AEBP2: variants seen among roughly 807,000 people sequenced by gnomAD.
The protein encoded by AEBP2 is AE binding protein 2, also known as zinc finger protein AEBP2.
Under a neutral mutation model 50.8 loss-of-function variants are expected in AEBP2, and 10 were observed. The ratio of observed to expected loss-of-function variants is 0.20; its 90% CI spans 0.12 to 0.33. AEBP2 has a LOEUF of 0.33. AEBP2 is among the 10% of genes least tolerant of loss of function. The probability of loss-of-function intolerance (pLI) is 1.00; values close to 1 mark genes in which losing one functional copy is unlikely to be tolerated. For missense variants in AEBP2, 570 were observed against 688.0 expected (o/e 0.83, Z 1.92); for synonymous variants, 296 against 261.3 (o/e 1.13, Z -1.28).
chr12:19,503,213 A>G (rs892310868), intron 5 of AEBP2, among the ~76,000 whole-genome samples: 18 of 152,084 alleles, frequency 1.2e-4, no homozygotes, highest in African/African-American at 4.1e-4. Flanking sequence ...GATTCTTCCA[A>G]TCTGTGAGCA....
intron 3 of AEBP2, among the ~76,000 whole-genome samples, chr12:19,484,250 ATTTTTTTTTT>A (rs59403434): frequency 1.9e-5 from 2 of 107,518 alleles, no homozygotes; most frequent in Admixed American, 1.0e-4. Flanking sequence ...CGCCCAGCCA[ATTTTTTTTTT>A]TTTTTTTTTT....
intron 1 of AEBP2, among the ~76,000 whole-genome samples, chr12:19,448,362 G>A (rs927795012): frequency 1.3e-5 from 2 of 152,144 alleles, no homozygotes; most frequent in East Asian, 3.9e-4. Flanking sequence ...GCGCATGCCT[G>A]TAATCCCAGC....
chr12:19,453,968 T>C (rs1279798339), intron 1 of AEBP2, among the ~76,000 whole-genome samples: 1 of 151,592 alleles, frequency 6.6e-6, no homozygotes, highest in Admixed American at 6.6e-5. Context: ...TGGCCCCCAG[T>C]TTATGTCTTT....
At chr12:19,447,713 G>C (rs1194822618) in intron 1 of AEBP2, among the ~76,000 whole-genome samples, 1 of 152,182 alleles carries the variant, frequency 6.6e-6, no homozygotes, top group East Asian at 1.9e-4. Context: ...CTCATGCAGA[G>C]ATGGTGCAGT....
At chr12:19,517,477 A>G (rs951046774) in intron 7 of AEBP2, among the ~76,000 whole-genome samples, 20 of 152,236 alleles carry the variant, frequency 1.3e-4, no homozygotes, top group Non-Finnish European at 1.9e-4. Flanking sequence ...TAGTGTAACA[A>G]TGATTTACAT....
rs370301903 is a variant in AEBP2, at chr12:19,485,682, C to CAG, written c.988-8102_988-8101dup. Among the ~76,000 whole-genome samples the CAG allele has an allele frequency of 3.2e-3, 389 of 123,304 alleles. 2 individuals carry two copies. Among genetic ancestry groups the CAG allele is most frequent in the East Asian group, 0.013 (58 of 4,342 alleles). 80.9% of individuals were successfully genotyped at this position (123,304 alleles called of 152,430 possible). A position where few individuals can be genotyped will look rare whatever the true frequency, so the allele number is the denominator to read the frequency against. ...TGAGACTGCACTCCAGCCTGGGTGA[C>CAG]AGAGAGAGAGAGAGAGACCCTGTCT... On this transcript the variant is annotated intron_variant, in intron 3 of 7. Transcript: ENST00000266508.
intron 1 of AEBP2, among the ~76,000 whole-genome samples, chr12:19,443,390 G>A (rs555933126): frequency 1.3e-5 from 2 of 150,306 alleles, no homozygotes; most frequent in African/African-American, 2.4e-5. Flanking sequence ...AGCCGCCACC[G>A]CAGGCCATGT....
At chr12:19,435,228 G>A (rs1374247786), upstream of AEBP2, among the ~76,000 whole-genome samples, 1 of 150,592 alleles carries the variant, frequency 6.6e-6, no homozygotes, top group African/African-American at 2.4e-5. Flanking sequence ...CCTAGGCTCA[G>A]GTGATCCTCC....
chr12:19,415,129 G>A (rs947352372), intron 1 of AEBP2, among the ~76,000 whole-genome samples: 4 of 149,774 alleles, frequency 2.7e-5, no homozygotes, highest in African/African-American at 9.8e-5. Context: ...GGACAACGTG[G>A]CGAAACCCCA....
At chr12:19,474,664 T>TTTC (rs1340519618) in intron 3 of AEBP2, among the ~76,000 whole-genome samples, 1 of 152,210 alleles carries the variant, frequency 6.6e-6, no homozygotes, top group Admixed American at 6.5e-5. Context: ...AAACTTAATT[T>TTTC]TAGAGCAGCT....
chr12:19,412,117 C>T (rs375441801), intron 1 of AEBP2, among the ~76,000 whole-genome samples: 3 of 152,192 alleles, frequency 2.0e-5, no homozygotes, highest in Non-Finnish European at 4.4e-5. Context: ...TGTATCTGTC[C>T]GGAGGTAGTG....
intron 5 of AEBP2, among the ~76,000 whole-genome samples, chr12:19,501,933 A>AATCATAC (rs1385699029): frequency 6.6e-6 from 1 of 151,880 alleles, no homozygotes; most frequent in Non-Finnish European, 1.5e-5. Context: ...CCACAATAAA[A>AATCATAC]ATCATACAAA....
intron 4 of AEBP2, among the ~76,000 whole-genome samples, chr12:19,494,359 C>T (rs1948938730): frequency 1.3e-5 from 2 of 151,996 alleles, no homozygotes; most frequent in South Asian, 2.1e-4. Flanking sequence ...TGTACCTGAG[C>T]TGGGAGGTAG....
intron 3 of AEBP2, among the ~76,000 whole-genome samples, chr12:19,477,766 A>T (rs12367050): frequency 0.05 from 7,608 of 152,074 alleles, 224 homozygotes; most frequent in Non-Finnish European, 0.077. Context: ...TCCTTTCCTG[A>T]TTTTGGTATT....
At chr12:19,413,516 G>A (rs2153363526) in intron 1 of AEBP2, 2 of 784,864 alleles carry the variant, frequency 2.5e-6, no homozygotes, top group South Asian at 1.4e-5. Flanking sequence ...CAGAAGTTAA[G>A]ATCTGATTAA....
chr12:19,515,553 C>T (rs1949305339), intron 7 of AEBP2, among the ~76,000 whole-genome samples: 1 of 152,148 alleles, frequency 6.6e-6, no homozygotes, highest in African/African-American at 2.4e-5. Flanking sequence ...TGCTTAAAAC[C>T]AGCTTTTAAA....
At chr12:19,442,944 CTTAGTT>C (rs928485475) in intron 1 of AEBP2, among the ~76,000 whole-genome samples, 9 of 152,100 alleles carry the variant, frequency 5.9e-5, no homozygotes, top group African/African-American at 1.9e-4. Flanking sequence ...GAAGGATAAT[CTTAGTT>C]TTAAAGTGCT....
chr12:19,512,087 TCTTGGC>T (rs562301213), intron 5 of AEBP2, among the ~76,000 whole-genome samples: 117 of 152,160 alleles, frequency 7.7e-4, no homozygotes, highest in African/African-American at 2.7e-3. Context: ...AGTGGCGTGA[TCTTGGC>T]TCACTGCAAC....
chr12:19,439,871 C>G lies in AEBP2; in HGVS notation c.172C>G (p.Leu58Val). ...EAEAEAVAAL[L>V]LNGGSGGGGG... ...GGAGGCCGAGGCGGTGGCGGCGCTG[C>G]TGCTGAACGGCGGCAGCGGTGGGGG... Residue 58 changes from leucine to valine, a missense_variant, in exon 1 of 8, where the codon CTG becomes GTG. Physicochemically the swap from Leu to Val is conservative, Grantham distance 32. Around this residue, in one of 2 missense-constraint regions of AEBP2, gnomAD observed 386 missense variants for 336.8 expected, o/e 1.15. Transcript: ENST00000266508. The G allele has an allele frequency of 2.0e-6, 3 of 1,482,680 alleles. No individual in the cohort carries two copies. Among genetic ancestry groups the G allele is most frequent in the Non-Finnish European group, 2.7e-6 (3 of 1,125,814 alleles). 91.8% of individuals were successfully genotyped at this position (1,482,680 alleles called of 1,614,324 possible).
Sources: allele counts gnomAD v4.1 joint callset (sites outside exome capture counted in the v4.1 genomes callset), GRCh38; gene constraint gnomAD v4.1.1; regional missense constraint gnomAD v4.1.1; transcripts MANE v1.5; gene names NCBI Gene and HGNC (gene_info 2026-07-23, HGNC 2026-07-21).